Variants in ACMSD observed in about 807,000 individuals in gnomAD.
The protein encoded by ACMSD is 2-amino-3-carboxymuconate-6-semialdehyde decarboxylase.
Under a neutral mutation model 45.9 loss-of-function variants are expected in ACMSD, and 37 were observed. The ratio of observed to expected loss-of-function variants is 0.81; its 90% CI spans 0.62 to 1.06. The LOEUF (loss-of-function observed/expected upper bound fraction) is 1.06, where lower values mean the gene tolerates loss of function less well. Among genes scored for constraint, ACMSD ranks in the 50% least tolerant of loss-of-function variants. The pLI is 0.00. For missense variants in ACMSD, 434 were observed against 420.9 expected (o/e 1.03, Z -0.27); for synonymous variants, 138 against 148.8 (o/e 0.93, Z 0.53).
At chr2:134,880,318 T>C (rs1688967107) in intron 8 of ACMSD, among the ~76,000 whole-genome samples, 1 of 152,222 alleles carries the variant, frequency 6.6e-6, no homozygotes, top group South Asian at 2.1e-4. Flanking sequence ...TACTACTTGA[T>C]ATAGGTCTAT....
At chr2:134,870,800 G>A (rs76220985) in intron 6 of ACMSD, among the ~76,000 whole-genome samples, 165 bp from the exon 7 acceptor site, 1,676 of 152,214 alleles carry the variant, frequency 0.011, 28 homozygotes, top group African/African-American at 0.039. Context: ...GAAGTTTCAC[G>A]TGGTTCTCCT....
intron 2 of ACMSD, among the ~76,000 whole-genome samples, chr2:134,850,714 G>A (rs1559041497): frequency 6.6e-6 from 1 of 151,972 alleles, no homozygotes; most frequent in African/African-American, 2.4e-5. Context: ...TTAGATTCAA[G>A]CCATTAGAGA....
chr2:134,843,867 C>T lies in ACMSD; in HGVS notation c.58-1366C>T, dbSNP rs568151450. 7.2e-5 allele frequency among the ~76,000 whole-genome samples: 11 copies of T among 152,312 alleles called. 1 individual carries two copies. In the South Asian group the frequency reaches 2.3e-3, roughly 32 times the overall value. On this transcript the variant is annotated intron_variant, in intron 1 of 9. Transcript: ENST00000356140. ...ACCTTTTCAACCTCCCTCCCAATACCGCAGCCCAAGGTGTTAGGTCAGCTC... is the reference window on the plus strand; with the variant it reads ...ACCTTTTCAACCTCCCTCCCAATACTGCAGCCCAAGGTGTTAGGTCAGCTC...
rs201390462 is a variant in ACMSD at position 134,862,541 on chromosome 2, G to A, written c.249+523G>A. Reference sequence around the variant, plus strand: ...TGGAGGAAAATTTTTGTACGTAGCCGGGAATGTGCTAGTCCCTGCTCATCC... The same window carrying A: ...TGGAGGAAAATTTTTGTACGTAGCCAGGAATGTGCTAGTCCCTGCTCATCC... On this transcript the variant is annotated intron_variant, in intron 4 of 9. Coordinates refer to ENST00000356140, the MANE Select transcript of ACMSD (RefSeq NM_138326.3). 7.9e-5 allele frequency among the ~76,000 whole-genome samples: 12 copies of A among 152,228 alleles called. No individual in the cohort carries two copies. The East Asian group carries it at 1.2e-3, about 15-fold the overall frequency.
intron 4 of ACMSD, 97 bp downstream of exon 4, chr2:134,862,115 CTA>C: frequency 7.8e-7 from 1 of 1,276,560 alleles, no homozygotes; most frequent in Non-Finnish European, 1.1e-6. Context: ...ACCAGTACCA[CTA>C]ACTGCCCCCA....
At chr2:134,860,599 G>A (rs933015253) in intron 3 of ACMSD, among the ~76,000 whole-genome samples, 2 of 152,150 alleles carry the variant, frequency 1.3e-5, no homozygotes, top group Non-Finnish European at 2.9e-5. Flanking sequence ...GATGGCAGGA[G>A]ACATTTTATT....
At chr2:134,852,104 A>G (rs1230658921) in intron 2 of ACMSD, among the ~76,000 whole-genome samples, 1 of 152,200 alleles carries the variant, frequency 6.6e-6, no homozygotes, top group Non-Finnish European at 1.5e-5. Flanking sequence ...AAAAGAGTTC[A>G]TAAAGAGACT....
chr2:134,863,378 T>C lies in ACMSD; in HGVS notation c.250-17T>C. On this transcript the variant is annotated splice_polypyrimidine_tract_variant and intron_variant, in intron 4 of 9. Transcript: ENST00000356140. ...AGGTTTTCAACAATGCGGTTTTCCC[T>C]TTCCTGTCTCCACCAGGCCAAACCT... 1 of 1,611,688 alleles carries C rather than the reference T, an allele frequency of 6.2e-7. No homozygotes were observed. The highest frequency in any genetic ancestry group is 2.2e-5 in the East Asian group (1 of 44,828).
chr2:134,898,361 C>A lies in ACMSD; in HGVS notation c.870C>A (p.Thr290=). The A allele has an allele frequency of 6.3e-7, 1 of 1,585,606 alleles. No individual in the cohort carries two copies. Among genetic ancestry groups the A allele is most frequent in the Non-Finnish European group, 8.6e-7 (1 of 1,168,424 alleles). ...TTTAGGATAAAGTCATTTTGGGAAC[C>A]GATTACCCCTTTCCACTAGGTGAGC... is the stretch of plus-strand genomic sequence containing the variant. The part of the protein sequence containing the change: ...VIGKDKVILG[T]DYPFPLGELE... The change falls in exon 9 of 10, where the codon ACC becomes ACA. Residue 290 remains threonine (T), a synonymous_variant. Coordinates refer to ENST00000356140, the MANE Select transcript of ACMSD (RefSeq NM_138326.3).
At chr2:134,846,065 G>C (rs1687040325) in intron 2 of ACMSD, among the ~76,000 whole-genome samples, 1 of 152,194 alleles carries the variant, frequency 6.6e-6, no homozygotes, top group Non-Finnish European at 1.5e-5. Context: ...GGGCACCAAG[G>C]ATCAGAGAAG....
chr2:134,850,838 C>G (rs897948866), intron 2 of ACMSD, among the ~76,000 whole-genome samples: 6 of 152,002 alleles, frequency 3.9e-5, no homozygotes, highest in Admixed American at 6.6e-5. Flanking sequence ...GGTTTGTTAC[C>G]TGGGTGTATC....
At chr2:134,855,123 A>G (rs1687521712) in intron 2 of ACMSD, among the ~76,000 whole-genome samples, 8 of 152,056 alleles carry the variant, frequency 5.3e-5, no homozygotes, top group Admixed American at 2.0e-4. Flanking sequence ...TTGTGCAATC[A>G]TTATCAGTCA....
intron 9 of ACMSD, among the ~76,000 whole-genome samples, chr2:134,900,761 A>C (rs1559074877): frequency 6.6e-6 from 1 of 152,178 alleles, no homozygotes. Flanking sequence ...TCTACCATGA[A>C]GATGTGGAGA....
At chr2:134,877,361 A>C (rs1393632690) in intron 8 of ACMSD, among the ~76,000 whole-genome samples, 2 of 152,192 alleles carry the variant, frequency 1.3e-5, no homozygotes, top group African/African-American at 4.8e-5. Flanking sequence ...AATAATAAAC[A>C]TTTATTATCT....
intron 4 of ACMSD, 44 bp downstream of exon 4, chr2:134,862,062 G>T (rs757703384): frequency 3.7e-6 from 6 of 1,611,228 alleles, no homozygotes; most frequent in Non-Finnish European, 5.1e-6. Context: ...TTGAAGGTTC[G>T]TGTTGAGCTC....
chr2:134,888,067 T>A (rs374966231), intron 8 of ACMSD, among the ~76,000 whole-genome samples: 2 of 152,160 alleles, frequency 1.3e-5, no homozygotes. Flanking sequence ...TAAGACAACA[T>A]TAGCAACATG....
intron 2 of ACMSD, among the ~76,000 whole-genome samples, chr2:134,848,630 T>C (rs536509520): frequency 6.6e-6 from 1 of 152,326 alleles, no homozygotes; most frequent in South Asian, 2.1e-4. Flanking sequence ...GGGTTGTTTT[T>C]TTTCTTGTAA....
intron 8 of ACMSD, among the ~76,000 whole-genome samples, chr2:134,895,219 T>C (rs1690035044): frequency 6.6e-6 from 1 of 151,314 alleles, no homozygotes; most frequent in Non-Finnish European, 1.5e-5. Context: ...GGTAGGAGAA[T>C]AGCTTACCAG....
At chr2:134,880,658 T>C (rs368932752) in intron 8 of ACMSD, among the ~76,000 whole-genome samples, 12 of 152,146 alleles carry the variant, frequency 7.9e-5, no homozygotes, top group East Asian at 5.8e-4. Context: ...TCTCTGAATA[T>C]AGTAAGAATT....
Sources: allele counts gnomAD v4.1 joint callset (sites outside exome capture counted in the v4.1 genomes callset), GRCh38; gene constraint gnomAD v4.1.1; transcripts MANE v1.5; gene names NCBI Gene and HGNC (gene_info 2026-07-23, HGNC 2026-07-21).